NET1: variants seen among roughly 807,000 people sequenced by gnomAD.
NET1 encodes neuroepithelial cell-transforming gene 1 protein.
A neutral mutation model predicts 61.1 loss-of-function variants in NET1; 42 were observed. The observed-to-expected ratio is 0.69, with a 90% confidence interval of 0.54 to 0.89. NET1 has a LOEUF of 0.89. Ranked by LOEUF, NET1 falls within the 40% of genes least tolerant of loss-of-function variation. The pLI is 0.00. For synonymous variants in NET1, 254 were observed against 281.8 expected, an observed-to-expected ratio of 0.90 and a Z score of 0.99; for missense variants, 654 against 747.3, an observed-to-expected ratio of 0.88 and a Z score of 1.46.
At position 5,437,187 on chromosome 10, in the gene NET1, G is replaced by A. The variant is rs1158444033; in HGVS notation, c.255+7958G>A. ...TCTTTTACTGCCTTCAGCCTCTGAA[G>A]TATCCAGTTATTATTTGATGTTTGT... On this transcript the variant is annotated intron_variant, in intron 3 of 11. Transcript: ENST00000355029. The surrounding 1 kb of genome is among the most constrained non-coding windows in gnomAD (Gnocchi z 4.3). Among the ~76,000 whole-genome samples the A allele has an allele frequency of 3.3e-5, 5 of 152,104 alleles. No individual in the cohort carries two copies. Among genetic ancestry groups the A allele is most frequent in the African/African-American group, 7.2e-5 (3 of 41,426 alleles).
chr10:5,436,210 G>GCATA (rs1439750851), intron 3 of NET1, among the ~76,000 whole-genome samples: 8 of 88,456 alleles, frequency 9.0e-5, no homozygotes, highest in African/African-American at 1.4e-4. Flanking sequence ...GTGTGTGTGT[G>GCATA]TGTGTGTGTG....
intron 1 of NET1, among the ~76,000 whole-genome samples, chr10:5,419,004 AAT>A (rs1476571303): frequency 2.0e-5 from 3 of 152,224 alleles, no homozygotes; most frequent in African/African-American, 7.2e-5. Flanking sequence ...GCAGCTGGAA[AAT>A]ACACTTTGTA....
Position 5,415,351 on chromosome 10 carries a change from C to T in NET1, c.128+2531C>T, listed in dbSNP as rs181166416. Among the ~76,000 whole-genome samples the T allele has an allele frequency of 5.1e-4, 78 of 152,144 alleles. No individual in the cohort carries two copies. The highest frequency in any genetic ancestry group is 1.8e-3 in the African/African-American group (74 of 41,512). On this transcript the variant is annotated intron_variant, in intron 1 of 11. Coordinates refer to ENST00000355029, the MANE Select transcript of NET1 (RefSeq NM_001047160.3). The surrounding 1 kb of genome is among the most constrained non-coding windows in gnomAD (Gnocchi z 4.7). ...CCTTCTGCCCTAAAACCTAATCTGT[C>T]GGTCTGTAGGAATTTCTCTGTTCTG...
rs912285781 is a variant in NET1, at chr10:5,417,375, C to T, written c.128+4555C>T. 3.3e-5 allele frequency among the ~76,000 whole-genome samples: 5 copies of T among 152,144 alleles called. No homozygotes were observed. The highest frequency in any genetic ancestry group is 4.8e-5 in the African/African-American group (2 of 41,444). ...CAGAAATGCCTATCCTCACTTAGGT[C>T]CGTGGGCCCAGGCCTGGGGATGGAG... On this transcript the variant is annotated intron_variant, in intron 1 of 11. Transcript: ENST00000355029. This position sits in a 1 kb window ranked among gnomAD's most constrained non-coding sequence, Gnocchi z 5.5.
chr10:5,429,129 A>G (rs779066780), intron 2 of NET1, 41 bp from the exon 3 acceptor site: 1 of 1,382,786 alleles, frequency 7.2e-7, no homozygotes, highest in East Asian at 2.3e-5. Flanking sequence ...GGTAATATGC[A>G]TTCCTTTTAT....
intron 3 of NET1, among the ~76,000 whole-genome samples, chr10:5,433,146 G>A (rs527727498): frequency 6.6e-6 from 1 of 152,198 alleles, no homozygotes; most frequent in South Asian, 2.1e-4. Flanking sequence ...TAGCCATTAC[G>A]AGCTATACTG....
intron 3 of NET1, among the ~76,000 whole-genome samples, chr10:5,445,434 A>C (rs1832591496): frequency 6.6e-6 from 1 of 152,154 alleles, no homozygotes; most frequent in South Asian, 2.1e-4. Flanking sequence ...CTACCTTTAC[A>C]CAATGGTCTC....
In NET1 at chr10:5,452,701, C is replaced by A; in HGVS notation, c.532-157C>A. ...TAATAGGGTAAACTTACCAAACATA[C>A]GGCAACCTTGTATTTGAGATTCCAT... is the stretch of plus-strand genomic sequence containing the variant. On this transcript the variant is annotated intron_variant, in intron 5 of 11. Transcript: ENST00000355029. This position sits in a 1 kb window ranked among gnomAD's most constrained non-coding sequence, Gnocchi z 4.0. The A allele has an allele frequency of 1.1e-6, 1 of 910,478 alleles. No homozygotes were observed. The highest frequency in any genetic ancestry group is 1.7e-6 in the Non-Finnish European group (1 of 604,100). The allele number at this position is 910,478 out of a possible 1,614,324, so 56.4% of individuals were successfully genotyped here.
chr10:5,456,592 A>G lies in NET1; in HGVS notation c.1389A>G (p.Lys463=), dbSNP rs78693452. 1,194 of 1,524,380 alleles carry G rather than the reference A, an allele frequency of 7.8e-4. 12 individuals are homozygous for G. In the African/African-American group the frequency reaches 0.015, roughly 19 times the overall value. The allele number at this position is 1,524,380 out of a possible 1,614,324, so 94.4% of individuals were successfully genotyped here. The change falls in exon 12 of 12, where the codon AAA becomes AAG. Residue 463 remains lysine (K), a synonymous_variant. Coordinates refer to ENST00000355029, the MANE Select transcript of NET1 (RefSeq NM_001047160.3). This position sits in a 1 kb window ranked among gnomAD's most constrained non-coding sequence, Gnocchi z 7.0. ...TTTTCCAATTTTTTTTTTCAGCTAA[A>G]AATATCTTTAGAATTCGCTTCCATG... ...RGAFSNSEKA[K]NIFRIRFHDP...
chr10:5,426,735 T>A lies in NET1; in HGVS notation c.195+14T>A, dbSNP rs1401301565. 6.3e-7 allele frequency: 1 copy of A among 1,577,448 alleles called. No individual in the cohort carries two copies. Among genetic ancestry groups the A allele is most frequent in the Non-Finnish European group, 8.6e-7 (1 of 1,160,828 alleles). On this transcript the variant is annotated intron_variant, in intron 2 of 11. Transcript: ENST00000355029. This position sits in a 1 kb window ranked among gnomAD's most constrained non-coding sequence, Gnocchi z 4.6. ...GACTTCACTTTGGTGAGTAGATACCTGGGTTTTTATTTCGAGACATTAGAT... is the reference window on the plus strand; with the variant it reads ...GACTTCACTTTGGTGAGTAGATACCAGGGTTTTTATTTCGAGACATTAGAT...
rs756561053 is a variant in NET1, at chr10:5,427,874, G to A, written c.195+1153G>A. 4.6e-5 allele frequency among the ~76,000 whole-genome samples: 7 copies of A among 151,972 alleles called. No homozygotes were observed. Among genetic ancestry groups the A allele is most frequent in the African/African-American group, 1.7e-4 (7 of 41,368 alleles). The stretch of plus-strand genomic sequence containing the variant: ...TAGAATTTGACTTTGAGAATTTTCT[G>A]TTCATTTTAGTGTGAATTTAGTTTT... On this transcript the variant is annotated intron_variant, in intron 2 of 11. Transcript: ENST00000355029. The surrounding 1 kb of genome is among the most constrained non-coding windows in gnomAD (Gnocchi z 4.1).
In NET1 at chr10:5,443,506, G is replaced by A. The variant is rs1382546005; in HGVS notation, c.256-8324G>A. 6.6e-6 allele frequency among the ~76,000 whole-genome samples: 1 copy of A among 152,134 alleles called. No homozygotes were observed. The highest frequency in any genetic ancestry group is 1.5e-5 in the Non-Finnish European group (1 of 68,004). ...TATGAGAAAACTGAAGAGGATGGGTGAATGATCTCAGAGGGCCTGTTTAGT... is the reference window on the plus strand; with the variant it reads ...TATGAGAAAACTGAAGAGGATGGGTAAATGATCTCAGAGGGCCTGTTTAGT... On this transcript the variant is annotated intron_variant, in intron 3 of 11. Transcript: ENST00000355029. This position sits in a 1 kb window ranked among gnomAD's most constrained non-coding sequence, Gnocchi z 4.8.
Position 5,454,186 on chromosome 10 carries a change from G to A in NET1, c.769-79G>A, listed in dbSNP as rs1451523873. The stretch of plus-strand genomic sequence containing the variant: ...ACTCTCAAGAATAGCTGTACATTTT[G>A]TGTTTCATGTTTGCAGGCTTGTTAA... On this transcript the variant is annotated intron_variant, in intron 8 of 11. Coordinates refer to ENST00000355029, the MANE Select transcript of NET1 (RefSeq NM_001047160.3). This position sits in a 1 kb window ranked among gnomAD's most constrained non-coding sequence, Gnocchi z 8.1. 3.6e-6 allele frequency: 5 copies of A among 1,400,604 alleles called. No homozygotes were observed. The highest frequency in any genetic ancestry group is 4.9e-6 in the Non-Finnish European group (5 of 1,028,414). 86.8% of individuals were successfully genotyped at this position (1,400,604 alleles called of 1,614,324 possible).
rs1226665210 is a variant in NET1 at position 5,443,907 on chromosome 10, T to C, written c.256-7923T>C. On this transcript the variant is annotated intron_variant, in intron 3 of 11. Transcript: ENST00000355029. The surrounding 1 kb of genome is among the most constrained non-coding windows in gnomAD (Gnocchi z 4.8). Reference sequence around the variant, plus strand: ...TCCCAGGAGAACTCCTAGCTGCTTCTTTCCTAACTCCCACTGCACATAATC... The same window carrying C: ...TCCCAGGAGAACTCCTAGCTGCTTCCTTCCTAACTCCCACTGCACATAATC... Among the ~76,000 whole-genome samples, 1 of 152,238 alleles carries C rather than the reference T, an allele frequency of 6.6e-6. No homozygotes were observed. The highest frequency in any genetic ancestry group is 1.5e-5 in the Non-Finnish European group (1 of 68,034).
Position 5,456,808 on chromosome 10 carries a change from G to C in NET1, c.1605G>C (p.Gln535His), listed in dbSNP as rs751290567. The C allele has an allele frequency of 1.9e-6, 3 of 1,613,728 alleles. No individual in the cohort carries two copies. Among genetic ancestry groups the C allele is most frequent in the Non-Finnish European group, 2.5e-6 (3 of 1,179,818 alleles). Residue 535 changes from glutamine to histidine, a missense_variant, in exon 12 of 12, where the codon CAG becomes CAC. Transcript: ENST00000355029. This position sits in a 1 kb window ranked among gnomAD's most constrained non-coding sequence, Gnocchi z 7.0. ...NHPSARKLTA[Q>H]RRASTVSSVT... ...CCTCTGCGAGGAAACTCACAGCCCA[G>C]AGGAGGGCATCCACAGTTTCCAGTG...
Position 5,429,580 on chromosome 10 carries a change from C to T in NET1, c.255+351C>T, listed in dbSNP as rs11253173. On this transcript the variant is annotated intron_variant, in intron 3 of 11. Coordinates refer to ENST00000355029, the MANE Select transcript of NET1 (RefSeq NM_001047160.3). ...TTCTAGCCCACTGTCACATGTAGGACTGTCAAAACCTGGATTTTTATGTGA... is the reference window on the plus strand; with the variant it reads ...TTCTAGCCCACTGTCACATGTAGGATTGTCAAAACCTGGATTTTTATGTGA... 7.9e-4 allele frequency among the ~76,000 whole-genome samples: 120 copies of T among 152,280 alleles called. 2 individuals are homozygous for T. In the East Asian group the frequency reaches 0.02, roughly 25 times the overall value.
rs1274827919 is a variant in NET1 at position 5,440,895 on chromosome 10, C to T, written c.256-10935C>T. 6.6e-6 allele frequency among the ~76,000 whole-genome samples: 1 copy of T among 152,274 alleles called. No homozygotes were observed. Among genetic ancestry groups the T allele is most frequent in the South Asian group, 2.1e-4 (1 of 4,824 alleles). On this transcript the variant is annotated intron_variant, in intron 3 of 11. Transcript: ENST00000355029. The surrounding 1 kb of genome is among the most constrained non-coding windows in gnomAD (Gnocchi z 4.1). ...AGTGAGTGAGTCTGTTTCAGAGTCCCATCCTGTGTTTCTGATCTCTAGGAC... is the reference window on the plus strand; with the variant it reads ...AGTGAGTGAGTCTGTTTCAGAGTCCTATCCTGTGTTTCTGATCTCTAGGAC...
Position 5,452,400 on chromosome 10 carries a change from C to G in NET1, c.406C>G (p.Gln136Glu). The change falls in exon 5 of 12, where the codon CAG (glutamine) becomes GAG (glutamate). Residue 136 changes from glutamine to glutamate, a missense_variant. Transcript: ENST00000355029. This position sits in a 1 kb window ranked among gnomAD's most constrained non-coding sequence, Gnocchi z 4.0. ...TGACCACAGATCCCCAGCCTCTGCC[C>G]AGAAGTTTTCTAGCAGGTCAACAGT... ...RGDHRSPASA[Q>E]KFSSRSTVPT... is the part of the protein sequence containing the mutation. The G allele has an allele frequency of 6.2e-7, 1 of 1,613,920 alleles. No homozygotes were observed.
chr10:5,415,716 G>A lies in NET1; in HGVS notation c.128+2896G>A, dbSNP rs1306705747. Among the ~76,000 whole-genome samples, 1 of 152,192 alleles carries A rather than the reference G, an allele frequency of 6.6e-6. No individual in the cohort carries two copies. The highest frequency in any genetic ancestry group is 1.5e-5 in the Non-Finnish European group (1 of 68,036). ...GGCCTCCCAAAGTGCTGGGATTACAGGCGTGAGCCACCGCACCTGGCCCTG... is the reference window on the plus strand; with the variant it reads ...GGCCTCCCAAAGTGCTGGGATTACAAGCGTGAGCCACCGCACCTGGCCCTG... On this transcript the variant is annotated intron_variant, in intron 1 of 11. Transcript: ENST00000355029. The surrounding 1 kb of genome is among the most constrained non-coding windows in gnomAD (Gnocchi z 4.7).
Sources: allele counts gnomAD v4.1 joint callset (sites outside exome capture counted in the v4.1 genomes callset), GRCh38; gene constraint gnomAD v4.1.1; non-coding constraint Gnocchi (gnomAD v3.1); transcripts MANE v1.5; gene names NCBI Gene and HGNC (gene_info 2026-07-23, HGNC 2026-07-21).